The following AQR variants were observed in gnomAD, a reference collection of about 807,000 sequenced individuals.
AQR encodes RNA helicase aquarius.
A neutral mutation model predicts 180.5 loss-of-function variants in AQR; 61 were observed. The ratio of observed to expected loss-of-function variants is 0.34; its 90% CI spans 0.28 to 0.42. The LOEUF (loss-of-function observed/expected upper bound fraction) is 0.42, where lower values mean the gene tolerates loss of function less well. AQR is among the 10% of genes least tolerant of loss of function. The pLI is 1.00. For synonymous variants in AQR, 551 were observed against 588.8 expected (o/e 0.94, Z 0.93); for missense variants, 1,281 against 1,798.3 (o/e 0.71, Z 5.20).
rs772570685 is a variant in AQR, at chr15:34,890,250, T to C, written c.2646A>G (p.Gly882=). Residue 882 remains glycine, a synonymous_variant, in exon 24 of 35, where the codon GGA becomes GGG. Coordinates refer to ENST00000156471, the MANE Select transcript of AQR (RefSeq NM_014691.3). ...CTTTCTCTGTCTCCAGCTCTTCTTC[T>C]CCATGACCAAGACGCAGTAGGTGGC... The part of the protein sequence containing the change: ...DERHLLRLGH[G]EEELETEKDF... The C allele has an allele frequency of 1.2e-6, 2 of 1,613,590 alleles. No individual in the cohort carries two copies. Among genetic ancestry groups the C allele is most frequent in the South Asian group, 2.2e-5 (2 of 90,942 alleles).
intron 2 of AQR, among the ~76,000 whole-genome samples, chr15:34,961,684 AAAG>A (rs887012574): frequency 4.0e-5 from 6 of 150,492 alleles, no homozygotes; most frequent in African/African-American, 1.2e-4. Context: ...AAAAAGAAAA[AAAG>A]AACTCAGACT....
intron 6 of AQR, chr15:34,943,195 G>A (rs376067121): frequency 4.3e-5 from 69 of 1,610,494 alleles, no homozygotes; most frequent in East Asian, 3.6e-4. Flanking sequence ...CAGGGAAAGC[G>A]GCGTTATGAC....
At chr15:34,902,304 G>T (rs1893343319) in intron 19 of AQR, among the ~76,000 whole-genome samples, 1 of 151,960 alleles carries the variant, frequency 6.6e-6, no homozygotes, top group African/African-American at 2.4e-5. Context: ...TAACTGTCTA[G>T]GCAAAAAATA....
At chr15:34,912,151 A>G (rs563805187) in intron 16 of AQR, among the ~76,000 whole-genome samples, 4 of 152,162 alleles carry the variant, frequency 2.6e-5, no homozygotes, top group Non-Finnish European at 5.9e-5. Flanking sequence ...TTATGCCAGT[A>G]ACATACTGTT....
chr15:34,946,042 G>A (rs189456601), intron 5 of AQR, among the ~76,000 whole-genome samples: 4 of 152,218 alleles, frequency 2.6e-5, no homozygotes, highest in East Asian at 1.9e-4. Context: ...AGGCCGAGGC[G>A]GGTGGATCAT....
intron 12 of AQR, among the ~76,000 whole-genome samples, chr15:34,927,355 G>C (rs1893780293): frequency 6.6e-6 from 1 of 152,084 alleles, no homozygotes; most frequent in Non-Finnish European, 1.5e-5. Flanking sequence ...CATAAAGTTG[G>C]CGTTCAGCTT....
Position 34,910,289 on chromosome 15 carries a change from C to T in AQR, c.1509G>A (p.Val503=), listed in dbSNP as rs1375318954. Residue 503 remains valine, a synonymous_variant, in exon 17 of 35, where the codon GTG becomes GTA. Coordinates refer to ENST00000156471, the MANE Select transcript of AQR (RefSeq NM_014691.3). ...GGGCCATTCGCGCCCAACCACCAAACACTACACCGCCATATTCAGATTGCC... is the reference window on the plus strand; with the variant it reads ...GGGCCATTCGCGCCCAACCACCAAATACTACACCGCCATATTCAGATTGCC... ...KPWQSEYGGV[V]FGGWARMAQP... 5.6e-6 allele frequency: 9 copies of T among 1,613,382 alleles called. No individual in the cohort carries two copies. Among genetic ancestry groups the T allele is most frequent in the Non-Finnish European group, 7.6e-6 (9 of 1,179,754 alleles).
Position 34,927,063 on chromosome 15 carries a change from A to G in AQR, c.1090T>C (p.Ser364Pro). 1.3e-6 allele frequency: 2 copies of G among 1,593,088 alleles called. No individual in the cohort carries two copies. Among genetic ancestry groups the G allele is most frequent in the South Asian group, 1.2e-5 (1 of 86,352 alleles). ...AGAGGTCCAAAAAACTTGACCAAGG[A>G]CTCCCGAGTATCTACTTCTGCCACA... ...SNVAEVDTRE[S>P]LVKFFGPLSS... Residue 364 changes from serine (S) to proline (P), a missense_variant, in exon 13 of 35, where the codon TCC becomes CCC. Transcript: ENST00000156471.
chr15:34,960,724 C>T, intron 3 of AQR, 50 bp downstream of exon 3: 1 of 773,532 alleles, frequency 1.3e-6, no homozygotes, highest in Admixed American at 2.6e-5. Context: ...AGCCAAGATC[C>T]AACTTGGTCC....
At position 34,938,745 on chromosome 15, in the gene AQR, G is replaced by A. The variant is rs1433339020; in HGVS notation, c.710C>T (p.Pro237Leu). 3 of 1,588,898 alleles carry A rather than the reference G, an allele frequency of 1.9e-6. No homozygotes were observed. In the Admixed American group the frequency reaches 5.0e-5, roughly 27 times the overall value. The change falls in exon 9 of 35, where the codon CCA (proline) becomes CTA (leucine). Residue 237 changes from proline (P) to leucine (L), a missense_variant. Coordinates refer to ENST00000156471, the MANE Select transcript of AQR (RefSeq NM_014691.3). The part of the protein sequence containing the change: ...QKFISVLKSV[P>L]LSEPVTMDKV... ...AGTAAAAAAGAAGATACCAGAAAGT[G>A]GGACTGATTTCAGCACAGAGATAAA...
At chr15:34,886,349 A>G (rs188701263) in intron 25 of AQR, among the ~76,000 whole-genome samples, 177 bp downstream of exon 25, 1 of 152,352 alleles carries the variant, frequency 6.6e-6, no homozygotes, top group Admixed American at 6.5e-5. Flanking sequence ...TTTAGAAAAG[A>G]AAACTGAAGA....
At chr15:34,965,737 C>T (rs1044008329) in intron 1 of AQR, among the ~76,000 whole-genome samples, 2 of 152,172 alleles carry the variant, frequency 1.3e-5, no homozygotes, top group Admixed American at 6.5e-5. Flanking sequence ...AGAAAATCTT[C>T]ACCTCACCCC....
chr15:34,892,447 C>T (rs892659407), intron 23 of AQR, among the ~76,000 whole-genome samples: 2 of 152,152 alleles, frequency 1.3e-5, no homozygotes, highest in Non-Finnish European at 2.9e-5. Context: ...GAAAAAATAG[C>T]AATTTAATTT....
At chr15:34,880,776 C>G (rs1850721814) in intron 27 of AQR, among the ~76,000 whole-genome samples, 1 of 152,074 alleles carries the variant, frequency 6.6e-6, no homozygotes. Context: ...AGCACAGAAT[C>G]AAAAGACAAT....
chr15:34,934,132 A>G (rs1332671526), intron 10 of AQR, among the ~76,000 whole-genome samples: 1 of 151,938 alleles, frequency 6.6e-6, no homozygotes, highest in Non-Finnish European at 1.5e-5. Flanking sequence ...ATCTCAAAGA[A>G]AAGAAAAGAA....
intron 1 of AQR, among the ~76,000 whole-genome samples, chr15:34,965,886 A>G (rs1431885200): frequency 6.6e-6 from 1 of 152,194 alleles, no homozygotes; most frequent in Non-Finnish European, 1.5e-5. Flanking sequence ...ACAAATAAAA[A>G]TGTATATCCT....
chr15:34,942,829 C>G (rs1455504516), intron 6 of AQR, among the ~76,000 whole-genome samples: 2 of 152,156 alleles, frequency 1.3e-5, no homozygotes, highest in Non-Finnish European at 2.9e-5. Flanking sequence ...ATTCAATGTT[C>G]ATAGCTACTT....
chr15:34,957,586 T>C (rs1371450653), intron 3 of AQR, among the ~76,000 whole-genome samples: 3 of 149,862 alleles, frequency 2.0e-5, no homozygotes, highest in Non-Finnish European at 4.5e-5. Flanking sequence ...CTGTAATCCC[T>C]GCTACTCGGG....
intron 26 of AQR, among the ~76,000 whole-genome samples, chr15:34,883,290 G>T (rs752774208): frequency 5.3e-5 from 8 of 152,084 alleles, no homozygotes; most frequent in Non-Finnish European, 1.0e-4. Context: ...AACCTGCAAG[G>T]ATAAGCCAGA....
Sources: gnomAD v4.1 joint callset for allele counts (sites outside exome capture counted in the v4.1 genomes callset) on GRCh38, gnomAD v4.1.1 for gene constraint, MANE v1.5 for transcripts, NCBI Gene and HGNC (gene_info 2026-07-23, HGNC 2026-07-21) for gene names.